The following BCAT1 variants were observed in gnomAD, a reference collection of about 807,000 sequenced individuals.
BCAT1 encodes branched chain amino acid transaminase 1, also known as branched-chain-amino-acid aminotransferase, cytosolic.
A neutral mutation model predicts 52.4 loss-of-function variants in BCAT1; 48 were observed. The ratio of observed to expected loss-of-function variants is 0.92; its 90% CI spans 0.73 to 1.16. The LOEUF (loss-of-function observed/expected upper bound fraction) is 1.16. Ranked by LOEUF, BCAT1 falls within the 50% of genes most tolerant of loss-of-function variation. The pLI is 0.00. For synonymous variants in BCAT1, 167 were observed against 161.3 expected (o/e 1.04, Z -0.27); for missense variants, 451 against 457.1 (o/e 0.99, Z 0.12).
intron 3 of BCAT1, 24 bp downstream of exon 3, chr12:24,894,251 T>G: frequency 6.2e-7 from 1 of 1,609,172 alleles, no homozygotes; most frequent in Non-Finnish European, 8.5e-7. Flanking sequence ...AGCATGTCAC[T>G]CTCTTTAATT....
At chr12:24,890,414 G>C (rs1418580907) in intron 3 of BCAT1, among the ~76,000 whole-genome samples, 1 of 152,186 alleles carries the variant, frequency 6.6e-6, no homozygotes, top group Non-Finnish European at 1.5e-5. Context: ...GTCACAGGAT[G>C]AGATAGGAGG....
chr12:24,849,638 C>T, intron 6 of BCAT1, 148 bp downstream of exon 6: 1 of 937,748 alleles, frequency 1.1e-6, no homozygotes, highest in Non-Finnish European at 1.5e-6. Context: ...AGCTGGCTTG[C>T]TGAAAGATTA....
chr12:24,911,388 G>A (rs1591868626), intron 1 of BCAT1, among the ~76,000 whole-genome samples: 1 of 152,238 alleles, frequency 6.6e-6, no homozygotes, highest in South Asian at 2.1e-4. Context: ...GGCTACACAG[G>A]CAACCCCCTG....
At chr12:24,882,694 G>A (rs1942538165) in intron 3 of BCAT1, among the ~76,000 whole-genome samples, 1 of 151,824 alleles carries the variant, frequency 6.6e-6, no homozygotes, top group Admixed American at 6.6e-5. Flanking sequence ...TACCCCCTGG[G>A]TTCAAGCAAT....
At chr12:24,838,574 C>A (rs1240616720) in intron 7 of BCAT1, among the ~76,000 whole-genome samples, 1 of 151,978 alleles carries the variant, frequency 6.6e-6, no homozygotes, top group African/African-American at 2.4e-5. Flanking sequence ...CTTGCTGAGC[C>A]CTGAGACTAC....
chr12:24,889,088 C>T (rs1216895603), intron 3 of BCAT1, among the ~76,000 whole-genome samples: 3 of 152,224 alleles, frequency 2.0e-5, no homozygotes, highest in Non-Finnish European at 2.9e-5. Context: ...CCTCCTCAAA[C>T]CTGACTATAA....
At chr12:24,933,910 C>T (rs1045211751) in intron 1 of BCAT1, among the ~76,000 whole-genome samples, 1 of 152,026 alleles carries the variant, frequency 6.6e-6, no homozygotes, top group African/African-American at 2.4e-5. Context: ...GTTCACATAG[C>T]GCACTGGGAA....
intron 6 of BCAT1, among the ~76,000 whole-genome samples, chr12:24,848,478 T>C (rs544984907): frequency 6.6e-5 from 10 of 152,322 alleles, no homozygotes; most frequent in African/African-American, 1.2e-4. Flanking sequence ...CCTGCCCAAA[T>C]ACCGGTTAAT....
chr12:24,820,500 A>T (rs1940069476), intron 10 of BCAT1, among the ~76,000 whole-genome samples: 1 of 152,186 alleles, frequency 6.6e-6, no homozygotes, highest in Non-Finnish European at 1.5e-5. Flanking sequence ...GTCTTCATGG[A>T]CTAGGATGTC....
At chr12:24,946,153 G>C (rs1241057284) in intron 1 of BCAT1, among the ~76,000 whole-genome samples, 1 of 152,184 alleles carries the variant, frequency 6.6e-6, no homozygotes, top group Non-Finnish European at 1.5e-5. Context: ...CTGCCATTTA[G>C]AAACAATCTT....
At chr12:24,938,919 G>A (rs1320978750) in intron 1 of BCAT1, among the ~76,000 whole-genome samples, 2 of 151,936 alleles carry the variant, frequency 1.3e-5, no homozygotes, top group Non-Finnish European at 2.9e-5. Flanking sequence ...CTGTCACCCA[G>A]GCTGGAGTAC....
chr12:24,890,812 T>C (rs975660693), intron 3 of BCAT1, among the ~76,000 whole-genome samples: 1 of 152,200 alleles, frequency 6.6e-6, no homozygotes, highest in South Asian at 2.1e-4. Context: ...CCATTCTTTT[T>C]TTCCTTTACT....
intron 1 of BCAT1, among the ~76,000 whole-genome samples, chr12:24,908,129 C>T (rs1299410937): frequency 6.6e-6 from 1 of 152,204 alleles, no homozygotes; most frequent in Admixed American, 6.5e-5. Context: ...CACTCCACTC[C>T]TAGATATGAG....
chr12:24,839,248 G>T (rs969290772), intron 7 of BCAT1, among the ~76,000 whole-genome samples: 2 of 152,204 alleles, frequency 1.3e-5, no homozygotes, highest in African/African-American at 4.8e-5. Context: ...GACTGAGAAT[G>T]GGATTTGTAA....
chr12:24,916,798 C>G (rs1463497245), intron 1 of BCAT1, among the ~76,000 whole-genome samples: 5 of 152,214 alleles, frequency 3.3e-5, no homozygotes, highest in Non-Finnish European at 7.3e-5. Flanking sequence ...CTCGCCCTCC[C>G]AAGGTGCTGG....
At chr12:24,824,722 C>T (rs1940311596) in intron 10 of BCAT1, among the ~76,000 whole-genome samples, 1 of 151,908 alleles carries the variant, frequency 6.6e-6, no homozygotes, top group Non-Finnish European at 1.5e-5. Context: ...GAAAATTTTC[C>T]AAAAGGGTCT....
chr12:24,852,819 T>A (rs546024392), intron 5 of BCAT1, among the ~76,000 whole-genome samples: 2 of 152,346 alleles, frequency 1.3e-5, no homozygotes, highest in South Asian at 2.1e-4. Flanking sequence ...TCAATTCATG[T>A]TTTACAAGTA....
At position 24,813,338 on chromosome 12, in the gene BCAT1, C is replaced by CA. The variant is rs954034235; in HGVS notation, c.*4669dup. On this transcript the variant is annotated 3_prime_UTR_variant, in exon 11 of 11. Transcript: ENST00000261192. ...GATAAAAAATTTATCTCTTTCCACA[C>CA]ATTTAAGACCTCATACTGTGCAAAA... The CA allele has an allele frequency of 1.3e-5, 2 of 152,026 alleles. No individual in the cohort carries two copies. The highest frequency in any genetic ancestry group is 4.8e-5 in the African/African-American group (2 of 41,432). The allele number at this position is 152,026 out of a possible 1,614,324, so 9.4% of individuals were successfully genotyped here.
intron 2 of BCAT1, among the ~76,000 whole-genome samples, 177 bp from the exon 3 acceptor site, chr12:24,894,652 A>T (rs1942919687): frequency 6.6e-6 from 1 of 152,202 alleles, no homozygotes; most frequent in Admixed American, 6.5e-5. Context: ...TCGGCCAGTT[A>T]TTCATAATCT....
Sources: gnomAD v4.1 joint callset for allele counts (sites outside exome capture counted in the v4.1 genomes callset) on GRCh38, gnomAD v4.1.1 for gene constraint, MANE v1.5 for transcripts, NCBI Gene and HGNC (gene_info 2026-07-23, HGNC 2026-07-21) for gene names.